CLDN10: variants seen among roughly 807,000 people sequenced by gnomAD.
CLDN10 encodes the protein claudin-10.
Under a neutral mutation model 22.9 loss-of-function variants are expected in CLDN10, and 15 were observed. The ratio of observed to expected loss-of-function variants is 0.65; its 90% CI spans 0.44 to 1.01. The LOEUF is 1.01. Ranked by LOEUF, CLDN10 falls within the 50% of genes least tolerant of loss-of-function variation. The probability of loss-of-function intolerance (pLI) is 0.00; values close to 1 mark genes in which losing one functional copy is unlikely to be tolerated. For synonymous variants in CLDN10, 114 were observed against 111.4 expected (o/e 1.02, Z -0.15); for missense variants, 247 against 287.8 (o/e 0.86, Z 1.03).
At chr13:95,454,822 T>TG (rs1291120604) in intron 1 of CLDN10, among the ~76,000 whole-genome samples, 3 of 152,170 alleles carry the variant, frequency 2.0e-5, no homozygotes, top group Non-Finnish European at 2.9e-5. Flanking sequence ...ATGAATATTT[T>TG]GGGGGAGGTG....
chr13:95,457,354 A>C (rs2042492093), intron 1 of CLDN10, among the ~76,000 whole-genome samples: 1 of 152,220 alleles, frequency 6.6e-6, no homozygotes, highest in Non-Finnish European at 1.5e-5. Flanking sequence ...TCTACATTGC[A>C]GAGTTTGTTT....
chr13:95,489,359 G>C (rs1187922506), intron 1 of CLDN10, among the ~76,000 whole-genome samples: 1 of 151,732 alleles, frequency 6.6e-6, no homozygotes, highest in South Asian at 2.1e-4. Flanking sequence ...AGGGTTCCCT[G>C]TTCACTGCAC....
chr13:95,577,826 C>T (rs1357575206), intron 4 of CLDN10, 74 bp from the exon 5 acceptor site: 3 of 885,478 alleles, frequency 3.4e-6, no homozygotes, highest in African/African-American at 1.7e-5. Context: ...AGAGACAGGC[C>T]GAAACAGTTT....
Position 95,511,741 on chromosome 13 carries a change from G to A in CLDN10, c.215-48391G>A, listed in dbSNP as rs1274764687. Among the ~76,000 whole-genome samples the A allele has an allele frequency of 7.0e-4, 86 of 122,244 alleles. 1 individual carries two copies. In the East Asian group the frequency reaches 0.017, roughly 25 times the overall value. 80.2% of individuals were successfully genotyped at this position (122,244 alleles called of 152,430 possible). A position where few individuals can be genotyped will look rare whatever the true frequency, so the allele number is the denominator to read the frequency against. On this transcript the variant is annotated intron_variant, in intron 1 of 4. Coordinates refer to the CLDN10 transcript ENST00000376873. Reference sequence around the variant, plus strand: ...AAGACCAATGATAGAACTAGGAAAAGTCATCTTAGGCAAAGATTCTCTCTC... The same window carrying A: ...AAGACCAATGATAGAACTAGGAAAAATCATCTTAGGCAAAGATTCTCTCTC...
chr13:95,483,218 T>C (rs7338647), intron 1 of CLDN10, among the ~76,000 whole-genome samples: 90,248 of 152,110 alleles, frequency 0.59, 28,020 homozygotes, highest in African/African-American at 0.79. Flanking sequence ...TGATTTTTCA[T>C]TGAACAGCTT....
intron 1 of CLDN10, among the ~76,000 whole-genome samples, chr13:95,450,805 G>C (rs2042425406): frequency 2.0e-5 from 3 of 152,206 alleles, no homozygotes; most frequent in Admixed American, 2.0e-4. Context: ...TTTAGATTGT[G>C]ATCAAATAGT....
chr13:95,449,905 G>T (rs961428957), intron 1 of CLDN10, among the ~76,000 whole-genome samples: 1 of 151,942 alleles, frequency 6.6e-6, no homozygotes, highest in East Asian at 1.9e-4. Context: ...CACCACGCCC[G>T]GCTGATTTTT....
chr13:95,448,000 G>A (rs143861254), intron 1 of CLDN10, among the ~76,000 whole-genome samples: 34 of 152,238 alleles, frequency 2.2e-4, no homozygotes, highest in African/African-American at 7.0e-4. Flanking sequence ...TGCCTGCGGC[G>A]AGAGGTGGGG....
chr13:95,446,323 C>T (rs2042378869), intron 1 of CLDN10, among the ~76,000 whole-genome samples: 1 of 152,168 alleles, frequency 6.6e-6, no homozygotes, highest in Non-Finnish European at 1.5e-5. Flanking sequence ...TGCAAATAAA[C>T]ACAAATATTT....
At chr13:95,468,629 G>T (rs2042601431) in intron 1 of CLDN10, among the ~76,000 whole-genome samples, 1 of 152,126 alleles carries the variant, frequency 6.6e-6, no homozygotes, top group Non-Finnish European at 1.5e-5. Flanking sequence ...GGGAGGTTGA[G>T]GTGGGAGGAT....
chr13:95,474,461 G>A (rs1008711108), intron 1 of CLDN10, among the ~76,000 whole-genome samples: 3 of 152,048 alleles, frequency 2.0e-5, no homozygotes, highest in Admixed American at 2.0e-4. Flanking sequence ...CCAGCCCATG[G>A]CCCAGGGGTT....
intron 3 of CLDN10, among the ~76,000 whole-genome samples, chr13:95,566,074 C>T (rs181309501): frequency 2.6e-5 from 4 of 152,112 alleles, no homozygotes; most frequent in Non-Finnish European, 5.9e-5. Context: ...TGAATAGTGC[C>T]GCAATAAACA....
intron 1 of CLDN10, among the ~76,000 whole-genome samples, chr13:95,509,370 A>G (rs970674476): frequency 3.3e-5 from 5 of 152,302 alleles, no homozygotes; most frequent in African/African-American, 1.2e-4. Context: ...GGCCATAAAG[A>G]TGGACCTATG....
intron 1 of CLDN10, among the ~76,000 whole-genome samples, chr13:95,539,385 G>C (rs2043436498): frequency 6.6e-6 from 1 of 152,204 alleles, no homozygotes; most frequent in Non-Finnish European, 1.5e-5. Context: ...ATTGAGACAT[G>C]TGGGAATACA....
intron 1 of CLDN10, among the ~76,000 whole-genome samples, chr13:95,463,285 AATATATATATATATAT>A (rs200962205): frequency 0.028 from 1,105 of 40,094 alleles, 40 homozygotes; most frequent in Middle Eastern, 0.12. Flanking sequence ...GCAAATGCTT[AATATATATATATATAT>A]ATATATATAT....
intron 1 of CLDN10, among the ~76,000 whole-genome samples, chr13:95,537,330 T>A (rs1395558644): frequency 6.6e-6 from 1 of 152,198 alleles, no homozygotes; most frequent in East Asian, 1.9e-4. Context: ...GAAACATTCA[T>A]AATTCAATGA....
intron 1 of CLDN10, among the ~76,000 whole-genome samples, chr13:95,507,908 C>A (rs1012112316): frequency 2.6e-4 from 39 of 152,112 alleles, no homozygotes; most frequent in Admixed American, 2.2e-3. Flanking sequence ...CAGGTGTGAG[C>A]CACCAAGCCT....
intron 1 of CLDN10, among the ~76,000 whole-genome samples, chr13:95,481,429 A>G (rs1204356618): frequency 6.6e-6 from 1 of 152,070 alleles, no homozygotes; most frequent in African/African-American, 2.4e-5. Flanking sequence ...TGCGTTTCTA[A>G]CAGCCTCCCA....
chr13:95,549,548 A>C (rs143568530), upstream of CLDN10, among the ~76,000 whole-genome samples: 6 of 152,362 alleles, frequency 3.9e-5, no homozygotes, highest in East Asian at 1.2e-3. Context: ...TAGCTTGAGA[A>C]GCATAAGATA....
Sources: allele counts gnomAD v4.1 joint callset (sites outside exome capture counted in the v4.1 genomes callset), GRCh38; gene constraint gnomAD v4.1.1; transcripts MANE v1.5; gene names NCBI Gene and HGNC (gene_info 2026-07-23, HGNC 2026-07-21).